Variants in PKD1L3 observed in about 807,000 individuals in gnomAD.
PKD1L3 encodes polycystin-1-like protein 3.
A neutral mutation model predicts 184.1 loss-of-function variants in PKD1L3; 239 were observed. The observed-to-expected ratio is 1.30, with a 90% confidence interval of 1.17 to 1.45. PKD1L3 has a LOEUF of 1.45. PKD1L3 is among the 40% of genes most tolerant of loss of function. PKD1L3 has a pLI of 0.00. For missense variants in PKD1L3, 2,660 were observed against 2,067.2 expected, an observed-to-expected ratio of 1.29 and a Z score of -5.56; for synonymous variants, 996 against 778.8, an observed-to-expected ratio of 1.28 and a Z score of -4.64.
At chr16:71,982,343 T>C (rs1007550745) in intron 6 of PKD1L3, 108 bp from the exon 7 acceptor site, 2 of 974,178 alleles carry the variant, frequency 2.1e-6, no homozygotes, top group Admixed American at 3.7e-5. Flanking sequence ...TAGAGTGCAA[T>C]GGCGTGATAT....
intron 22 of PKD1L3, among the ~76,000 whole-genome samples, chr16:71,944,922 C>G (rs550279422): frequency 6.6e-6 from 1 of 151,172 alleles, no homozygotes; most frequent in South Asian, 2.1e-4. Context: ...TGATCTCGAA[C>G]TCCTACCTCA....
At chr16:71,990,866 A>G (rs1402176974) in intron 3 of PKD1L3, among the ~76,000 whole-genome samples, 3 of 152,176 alleles carry the variant, frequency 2.0e-5, no homozygotes, top group African/African-American at 7.2e-5. Flanking sequence ...ATCAACAACA[A>G]AATCCAGAAA....
At position 71,950,322 on chromosome 16, in the gene PKD1L3, T is replaced by C. The variant is rs750780684; in HGVS notation, c.3191-12A>G. The stretch of plus-strand genomic sequence containing the variant: ...GTTTTCAGGAACAACTGAAAATATA[T>C]TTCAAGTTGACACTTTCACAAGTGG... On this transcript the variant is annotated splice_polypyrimidine_tract_variant and intron_variant, in intron 19 of 29. Coordinates refer to ENST00000620267, the MANE Select transcript of PKD1L3 (RefSeq NM_181536.2). 2.0e-6 allele frequency: 3 copies of C among 1,507,676 alleles called. No homozygotes were observed. The highest frequency in any genetic ancestry group is 2.7e-6 in the Non-Finnish European group (3 of 1,121,510). 93.4% of individuals were successfully genotyped at this position (1,507,676 alleles called of 1,614,324 possible).
intron 5 of PKD1L3, among the ~76,000 whole-genome samples, 154 bp from the exon 6 acceptor site, chr16:71,984,321 T>C (rs1308172747): frequency 6.6e-6 from 1 of 152,248 alleles, no homozygotes; most frequent in Non-Finnish European, 1.5e-5. Context: ...CAGAAGCTTT[T>C]CTGCGAGTGG....
At chr16:71,983,254 C>T (rs1299948655) in intron 6 of PKD1L3, among the ~76,000 whole-genome samples, 1 of 151,908 alleles carries the variant, frequency 6.6e-6, no homozygotes, top group Non-Finnish European at 1.5e-5. Context: ...TCAAACCATC[C>T]TCCCATCTCA....
intron 9 of PKD1L3, among the ~76,000 whole-genome samples, chr16:71,979,443 C>CAACAA (rs71391429): frequency 0.21 from 31,350 of 149,986 alleles, 3,939 homozygotes; most frequent in South Asian, 0.42. Flanking sequence ...GACTCCATCT[C>CAACAA]AACAAAACAA....
chr16:71,988,203 T>C (rs1038791684), intron 4 of PKD1L3, among the ~76,000 whole-genome samples: 1 of 152,130 alleles, frequency 6.6e-6, no homozygotes. Flanking sequence ...GTAAATTTTT[T>C]TTTTGTTTTG....
At chr16:71,935,238 T>A (rs1200464053) in intron 26 of PKD1L3, 120 bp downstream of exon 26, 8 of 1,132,522 alleles carry the variant, frequency 7.1e-6, no homozygotes, top group Non-Finnish European at 6.1e-6. Context: ...CAAGTTCTCT[T>A]TTAACTCTAA....
chr16:71,956,184 A>ATTTTTTTTTTTTTT (rs35268514), intron 16 of PKD1L3, among the ~76,000 whole-genome samples: 5 of 82,758 alleles, frequency 6.0e-5, no homozygotes, highest in East Asian at 4.8e-4. Flanking sequence ...AAAGGAAGGA[A>ATTTTTTTTTTTTTT]TTTTTTTTTT....
Position 71,999,732 on chromosome 16 carries a change from C to G in PKD1L3, c.247G>C (p.Gly83Arg). 1.3e-6 allele frequency: 2 copies of G among 1,551,240 alleles called. No individual in the cohort carries two copies. The highest frequency in any genetic ancestry group is 1.7e-6 in the Non-Finnish European group (2 of 1,146,722). ...TTTTTCAATGGCATTACATTTTGCC[C>G]AATCCACCACTTCTTTCCTTCTTCC... ...YLEEGKKWWI[G>R]QNVMPLKKHQ... Residue 83 changes from glycine to arginine, a missense_variant, in exon 1 of 30, where the codon GGG (glycine) becomes CGG (arginine). Transcript: ENST00000620267.
chr16:71,979,573 C>T (rs1178038432), intron 9 of PKD1L3, among the ~76,000 whole-genome samples: 2 of 152,126 alleles, frequency 1.3e-5, no homozygotes, highest in Admixed American at 6.5e-5. Flanking sequence ...TAGTTAAATC[C>T]AGAAATCTGT....
chr16:71,994,531 C>T (rs1197523130), intron 2 of PKD1L3, among the ~76,000 whole-genome samples: 3 of 152,078 alleles, frequency 2.0e-5, no homozygotes, highest in African/African-American at 7.2e-5. Flanking sequence ...GTACATCATT[C>T]CTGCATGCTA....
At chr16:71,942,424 G>A (rs1244835477) in intron 24 of PKD1L3, 136 bp downstream of exon 24, 3 of 676,318 alleles carry the variant, frequency 4.4e-6, no homozygotes, top group South Asian at 4.0e-5. Flanking sequence ...TTTTGGAGAT[G>A]TAAGTCTCCA....
intron 15 of PKD1L3, among the ~76,000 whole-genome samples, chr16:71,966,843 T>C (rs1206023941): frequency 6.6e-6 from 1 of 152,204 alleles, no homozygotes; most frequent in East Asian, 1.9e-4. Flanking sequence ...TTTGTGGCAC[T>C]TTCAGGCAAT....
chr16:71,939,224 C>T (rs904715577), intron 24 of PKD1L3, among the ~76,000 whole-genome samples: 13 of 152,268 alleles, frequency 8.5e-5, no homozygotes, highest in African/African-American at 1.7e-4. Flanking sequence ...CAGCAGCCAG[C>T]GTGCCTGGCT....
Position 71,952,996 on chromosome 16 carries a change from CG to C in PKD1L3, c.2906del (p.Pro969ArgfsTer2). 6.5e-7 allele frequency: 1 copy of C among 1,548,856 alleles called. No individual in the cohort carries two copies. Among genetic ancestry groups the C allele is most frequent in the Non-Finnish European group, 8.7e-7 (1 of 1,145,902 alleles). ...GCAGAGTCTCCTGTGGCTCAATCAA[CG>C]GGAAGAGCCGCCCTATGACAAGATT... ...PINLVIGRLF[P>X]LIEPQETLPL... is the part of the protein sequence containing the mutation. On this transcript the variant is annotated frameshift_variant, in exon 18 of 30. Transcript: ENST00000620267. LOFTEE classifies it high-confidence loss of function.
At chr16:71,943,399 G>A (rs572483188) in intron 23 of PKD1L3, among the ~76,000 whole-genome samples, 4 of 151,910 alleles carry the variant, frequency 2.6e-5, no homozygotes, top group African/African-American at 9.7e-5. Context: ...TTAGCTGGGC[G>A]TGGTGGTCTG....
chr16:71,945,303 T>TAC (rs1289989272), intron 22 of PKD1L3, among the ~76,000 whole-genome samples: 2 of 51,184 alleles, frequency 3.9e-5, no homozygotes, highest in African/African-American at 7.3e-5. Context: ...TATATATATA[T>TAC]ATACACACAC....
At chr16:71,968,658 C>T (rs2039591870) in intron 13 of PKD1L3, among the ~76,000 whole-genome samples, 1 of 152,150 alleles carries the variant, frequency 6.6e-6, no homozygotes, top group Non-Finnish European at 1.5e-5. Context: ...TGCAGTGGTT[C>T]ATTCTTGGCT....
Sources: allele counts gnomAD v4.1 joint callset (sites outside exome capture counted in the v4.1 genomes callset), GRCh38; gene constraint gnomAD v4.1.1; transcripts MANE v1.5; gene names NCBI Gene and HGNC (gene_info 2026-07-23, HGNC 2026-07-21).